The following SNTG2 variants were observed in gnomAD, a reference collection of about 807,000 sequenced individuals.
The protein encoded by SNTG2 is syntrophin gamma 2.
In SNTG2, 74 loss-of-function variants were observed where a neutral mutation model predicts 70.9. The observed-to-expected ratio is 1.04, with a 90% CI of 0.86 to 1.27. The LOEUF (loss-of-function observed/expected upper bound fraction) is 1.27, where lower values mean the gene tolerates loss of function less well. Among genes scored for constraint, SNTG2 ranks in the 50% most tolerant of loss-of-function variants. The pLI is 0.00. For synonymous variants in SNTG2, 278 were observed against 273.8 expected, an observed-to-expected ratio of 1.02 and a Z score of -0.15; for missense variants, 717 against 690.7, an observed-to-expected ratio of 1.04 and a Z score of -0.43.
At chr2:1,250,391 C>A (rs138254456) in intron 12 of SNTG2, among the ~76,000 whole-genome samples, 1 of 152,090 alleles carries the variant, frequency 6.6e-6, no homozygotes, top group Non-Finnish European at 1.5e-5. Flanking sequence ...GTCTCTGTCT[C>A]TCTCTGTCTC....
chr2:1,222,053 C>CTG (rs1675128260), intron 9 of SNTG2, among the ~76,000 whole-genome samples: 2 of 93,662 alleles, frequency 2.1e-5, no homozygotes, highest in Non-Finnish European at 4.6e-5. Flanking sequence ...CTCTGTCTCT[C>CTG]TCTGTCTCTG....
chr2:1,064,441 AT>A (rs1306838134), intron 1 of SNTG2, among the ~76,000 whole-genome samples: 3 of 150,002 alleles, frequency 2.0e-5, no homozygotes, highest in Non-Finnish European at 4.4e-5. Flanking sequence ...ATATATGTAT[AT>A]ATACTGAAAT....
At chr2:1,158,495 GAGA>G (rs1553341055) in intron 6 of SNTG2, 2 of 149,346 alleles carry the variant, frequency 1.3e-5, no homozygotes, top group Non-Finnish European at 2.9e-5. Flanking sequence ...TTCTGTAAAA[GAGA>G]AGAAGTGAGA....
At chr2:1,292,336 T>C (rs1230346447) in intron 14 of SNTG2, among the ~76,000 whole-genome samples, 1 of 152,180 alleles carries the variant, frequency 6.6e-6, no homozygotes, top group Admixed American at 6.5e-5. Flanking sequence ...TTGGTTGACT[T>C]GTTTGTTTTT....
chr2:1,004,075 T>C (rs922548297), intron 1 of SNTG2, among the ~76,000 whole-genome samples: 3 of 152,224 alleles, frequency 2.0e-5, no homozygotes, highest in Non-Finnish European at 2.9e-5. Context: ...TATTTATACC[T>C]ATACAGAATC....
At chr2:1,281,178 G>T (rs1336238357) in intron 14 of SNTG2, among the ~76,000 whole-genome samples, 1 of 150,710 alleles carries the variant, frequency 6.6e-6, no homozygotes, top group Non-Finnish European at 1.5e-5. Flanking sequence ...TGTGTTCTGT[G>T]GTCTGTGGTG....
intron 1 of SNTG2, among the ~76,000 whole-genome samples, chr2:978,983 C>T (rs1337420583): frequency 1.3e-5 from 2 of 152,220 alleles, no homozygotes; most frequent in Non-Finnish European, 1.5e-5. Flanking sequence ...TGCAGGCTCC[C>T]TGCGTTGAGG....
chr2:1,081,081 C>G (rs1037636817), intron 1 of SNTG2, among the ~76,000 whole-genome samples: 1 of 152,112 alleles, frequency 6.6e-6, no homozygotes, highest in African/African-American at 2.4e-5. Flanking sequence ...TTCTCTTTTA[C>G]GGCAAACAGG....
At chr2:1,150,964 C>A (rs1013034766) in intron 6 of SNTG2, among the ~76,000 whole-genome samples, 2 of 152,184 alleles carry the variant, frequency 1.3e-5, no homozygotes, top group African/African-American at 4.8e-5. Context: ...TGTGCTGTCC[C>A]TGGTGGGTTG....
At chr2:988,912 A>G (rs962336329) in intron 1 of SNTG2, among the ~76,000 whole-genome samples, 4 of 152,152 alleles carry the variant, frequency 2.6e-5, no homozygotes, top group South Asian at 2.1e-4. Context: ...TTTGAATTCT[A>G]CCAGCCATGT....
chr2:1,328,068 G>T (rs1186443975), intron 16 of SNTG2, among the ~76,000 whole-genome samples: 7 of 152,222 alleles, frequency 4.6e-5, no homozygotes, highest in East Asian at 1.9e-4. Context: ...AGCAAGGGGG[G>T]CGAGGGATGC....
chr2:1,308,911 C>G (rs987586446), intron 15 of SNTG2, among the ~76,000 whole-genome samples: 2 of 152,128 alleles, frequency 1.3e-5, no homozygotes, highest in Non-Finnish European at 1.5e-5. Flanking sequence ...TGCCTTCCAT[C>G]TGAACATTCG....
chr2:1,327,435 G>C (rs996812364), intron 16 of SNTG2, among the ~76,000 whole-genome samples: 2 of 152,138 alleles, frequency 1.3e-5, no homozygotes, highest in African/African-American at 4.8e-5. Context: ...GCTTAGCAAA[G>C]CTTTAAGGGT....
intron 14 of SNTG2, among the ~76,000 whole-genome samples, chr2:1,298,089 T>A (rs928575017): frequency 5.6e-4 from 85 of 152,206 alleles, no homozygotes; most frequent in Non-Finnish European, 1.3e-4. Context: ...TCTATCAGCA[T>A]GTCAGCACAG....
At chr2:1,085,253 T>C (rs938383830) in intron 2 of SNTG2, among the ~76,000 whole-genome samples, 1 of 152,210 alleles carries the variant, frequency 6.6e-6, no homozygotes, top group Non-Finnish European at 1.5e-5. Context: ...TAGAGATTTT[T>C]AACTATAGAA....
At chr2:974,800 C>G (rs1660856276) in intron 1 of SNTG2, among the ~76,000 whole-genome samples, 1 of 152,044 alleles carries the variant, frequency 6.6e-6, no homozygotes, top group African/African-American at 2.4e-5. Context: ...AGCCATAGTT[C>G]TGGTGGGTTC....
intron 16 of SNTG2, among the ~76,000 whole-genome samples, chr2:1,318,764 T>C (rs1407065994): frequency 2.0e-5 from 3 of 152,106 alleles, no homozygotes; most frequent in Middle Eastern, 3.4e-3. Flanking sequence ...GCTGTTTGCC[T>C]TGGGCGCCAT....
chr2:1,236,523 C>G (rs543133048), intron 9 of SNTG2, among the ~76,000 whole-genome samples: 32 of 152,360 alleles, frequency 2.1e-4, no homozygotes, highest in Admixed American at 1.8e-3. Context: ...CACCTCTGTC[C>G]TCCTGCCAAG....
At chr2:1,279,755 C>G (rs1259065701) in intron 14 of SNTG2, among the ~76,000 whole-genome samples, 1 of 152,198 alleles carries the variant, frequency 6.6e-6, no homozygotes, top group Non-Finnish European at 1.5e-5. Context: ...GGGTGACCCT[C>G]TCAGGATTCC....
Sources: gnomAD v4.1 joint callset for allele counts (sites outside exome capture counted in the v4.1 genomes callset) on GRCh38, gnomAD v4.1.1 for gene constraint, MANE v1.5 for transcripts, NCBI Gene and HGNC (gene_info 2026-07-23, HGNC 2026-07-21) for gene names.